The following CRPPA variants were observed in gnomAD, a reference collection of about 807,000 sequenced individuals.
CRPPA encodes D-ribitol-5-phosphate cytidylyltransferase.
Under a neutral mutation model 52.0 loss-of-function variants are expected in CRPPA, and 43 were observed. The ratio of observed to expected loss-of-function variants is 0.83; its 90% confidence interval spans 0.65 to 1.07. The LOEUF (loss-of-function observed/expected upper bound fraction) is 1.07, where lower values mean the gene tolerates loss of function less well. CRPPA is among the 50% of genes least tolerant of loss of function. The pLI, the probability that CRPPA is intolerant of heterozygous loss-of-function variation, is 0.00. For missense variants in CRPPA, 629 were observed against 551.7 expected (o/e 1.14, Z -1.40); for synonymous variants, 250 against 203.5 (o/e 1.23, Z -1.94).
intron 9 of CRPPA, among the ~76,000 whole-genome samples, chr7:16,191,352 G>C (rs1781605608): frequency 6.6e-6 from 1 of 152,076 alleles, no homozygotes; most frequent in Admixed American, 6.6e-5. Context: ...TATGAATTTA[G>C]AAATACCTTT....
At chr7:16,308,128 C>T (rs1284845253) in intron 4 of CRPPA, among the ~76,000 whole-genome samples, 2 of 152,050 alleles carry the variant, frequency 1.3e-5, no homozygotes, top group African/African-American at 2.4e-5. Context: ...TTGGAAGCCT[C>T]CTGAGGCCTC....
chr7:16,212,297 CA>C (rs1332276857), intron 9 of CRPPA, among the ~76,000 whole-genome samples: 1 of 152,158 alleles, frequency 6.6e-6, no homozygotes, highest in African/African-American at 2.4e-5. Context: ...ACATTGCTTT[CA>C]AAAGTTCTAT....
intron 9 of CRPPA, among the ~76,000 whole-genome samples, chr7:16,113,820 A>G (rs927575289): frequency 3.9e-5 from 6 of 152,006 alleles, no homozygotes; most frequent in Non-Finnish European, 5.9e-5. Flanking sequence ...TTCTTACACT[A>G]AAGTCTGTAA....
At chr7:16,119,544 T>C (rs1395310833) in intron 9 of CRPPA, among the ~76,000 whole-genome samples, 1 of 152,162 alleles carries the variant, frequency 6.6e-6, no homozygotes, top group African/African-American at 2.4e-5. Flanking sequence ...AACACAGAGA[T>C]TGTCAAGATG....
intron 3 of CRPPA, among the ~76,000 whole-genome samples, chr7:16,316,608 T>G (rs1785149893): frequency 6.6e-6 from 1 of 152,070 alleles, no homozygotes; most frequent in South Asian, 2.1e-4. Context: ...ATGCCTGTAA[T>G]CTCAGTACTT....
intron 9 of CRPPA, among the ~76,000 whole-genome samples, chr7:16,144,407 T>C (rs1415806850): frequency 6.6e-6 from 1 of 152,206 alleles, no homozygotes; most frequent in Non-Finnish European, 1.5e-5. Flanking sequence ...AGAAGTCATA[T>C]GCAGGAGTTC....
At chr7:16,214,869 C>A (rs544410721) in intron 9 of CRPPA, among the ~76,000 whole-genome samples, 7 of 152,170 alleles carry the variant, frequency 4.6e-5, no homozygotes, top group African/African-American at 1.7e-4. Flanking sequence ...TATCTGTCCT[C>A]GGGCAAATAT....
chr7:16,216,134 T>C lies in CRPPA; in HGVS notation c.1183A>G (p.Arg395Gly), dbSNP rs957843384. The C allele has an allele frequency of 1.3e-6, 2 of 1,590,068 alleles. No homozygotes were observed. The change falls in exon 9 of 10, where the codon AGA becomes GGA. Residue 395 changes from arginine to glycine, a missense_variant. Coordinates refer to ENST00000407010, the MANE Select transcript of CRPPA (RefSeq NM_001101426.4). Reference protein sequence around the residue: ...SQKMENLMQIREFAKEVKERN... With the variant: ...SQKMENLMQIGEFAKEVKERN... Reference sequence around the variant, plus strand: ...TCTTTTACTTCCTTTGCAAATTCTCTAATCTGCATTAGGTTTTCCATTTTC... The same window carrying C: ...TCTTTTACTTCCTTTGCAAATTCTCCAATCTGCATTAGGTTTTCCATTTTC...
At chr7:16,354,594 G>C (rs1013664254) in intron 3 of CRPPA, among the ~76,000 whole-genome samples, 1 of 152,108 alleles carries the variant, frequency 6.6e-6, no homozygotes, top group Non-Finnish European at 1.5e-5. Flanking sequence ...TACTTTAGAA[G>C]AGAAAAATAG....
At chr7:16,390,517 T>C (rs192742144) in intron 2 of CRPPA, among the ~76,000 whole-genome samples, 6 of 152,184 alleles carry the variant, frequency 3.9e-5, no homozygotes, top group African/African-American at 1.4e-4. Context: ...GTTTGTTCAC[T>C]TAGTTTTCAG....
chr7:16,236,945 C>T (rs771476713), intron 8 of CRPPA, among the ~76,000 whole-genome samples: 15 of 143,342 alleles, frequency 1.0e-4, no homozygotes, highest in East Asian at 2.1e-4. Context: ...AGCTTTCGTG[C>T]GCGCGCACAC....
At chr7:16,106,532 G>A (rs374121321) in intron 9 of CRPPA, among the ~76,000 whole-genome samples, 1 of 152,294 alleles carries the variant, frequency 6.6e-6, no homozygotes, top group East Asian at 1.9e-4. Flanking sequence ...TTGAGCAAAA[G>A]GTGGTGACTC....
intron 9 of CRPPA, among the ~76,000 whole-genome samples, chr7:16,157,721 T>C (rs1240131737): frequency 6.6e-6 from 1 of 152,144 alleles, no homozygotes; most frequent in Non-Finnish European, 1.5e-5. Context: ...CTGGCCAGCA[T>C]AGCACGAAGG....
intron 5 of CRPPA, among the ~76,000 whole-genome samples, chr7:16,290,298 C>A (rs1305208271): frequency 5.3e-5 from 8 of 151,252 alleles, no homozygotes; most frequent in African/African-American, 1.5e-4. Context: ...GAAAAAAAAA[C>A]CAATCCTGAA....
intron 9 of CRPPA, among the ~76,000 whole-genome samples, chr7:16,094,631 A>G (rs1486513969): frequency 2.0e-5 from 3 of 152,134 alleles, no homozygotes; most frequent in African/African-American, 7.2e-5. Flanking sequence ...CAAATATTAT[A>G]TAATAAACAT....
At chr7:16,388,461 A>G (rs900732377) in intron 2 of CRPPA, among the ~76,000 whole-genome samples, 8 of 152,230 alleles carry the variant, frequency 5.3e-5, no homozygotes, top group Non-Finnish European at 1.0e-4. Context: ...GACAAGTGTA[A>G]TTTTTCACCT....
chr7:16,174,024 A>C (rs973405640), intron 9 of CRPPA, among the ~76,000 whole-genome samples: 3 of 152,216 alleles, frequency 2.0e-5, no homozygotes, highest in African/African-American at 7.2e-5. Context: ...TAAATAAATG[A>C]TAACATATAT....
chr7:16,337,526 G>A (rs934490505), intron 3 of CRPPA, among the ~76,000 whole-genome samples: 1 of 151,538 alleles, frequency 6.6e-6, no homozygotes, highest in Non-Finnish European at 1.5e-5. Flanking sequence ...CCAAAATTTA[G>A]AAAAAGTAAA....
intron 2 of CRPPA, among the ~76,000 whole-genome samples, chr7:16,388,302 TA>T (rs745789231): frequency 8.1e-4 from 116 of 143,550 alleles, no homozygotes; most frequent in Admixed American, 1.1e-3. Context: ...AAATTAATAC[TA>T]AAAAAAAAAA....
Sources: allele counts gnomAD v4.1 joint callset (sites outside exome capture counted in the v4.1 genomes callset), GRCh38; gene constraint gnomAD v4.1.1; transcripts MANE v1.5; gene names NCBI Gene and HGNC (gene_info 2026-07-23, HGNC 2026-07-21).